CHD6: variants seen among roughly 807,000 people sequenced by gnomAD.
CHD6 encodes the protein chromodomain helicase DNA binding protein 6.
Under a neutral mutation model 276.9 loss-of-function variants are expected in CHD6, and 50 were observed. The ratio of observed to expected loss-of-function variants is 0.18; its 90% CI spans 0.14 to 0.23. The LOEUF (loss-of-function observed/expected upper bound fraction) is 0.23, where lower values mean the gene tolerates loss of function less well. Among genes scored for constraint, CHD6 ranks in the 10% least tolerant of loss-of-function variants. CHD6 has a pLI of 1.00. For missense variants in CHD6, 2,564 were observed against 3,365.8 expected, an observed-to-expected ratio of 0.76 and a Z score of 5.89; for synonymous variants, 1,173 against 1,229.3, an observed-to-expected ratio of 0.95 and a Z score of 0.96.
intron 1 of CHD6, among the ~76,000 whole-genome samples, chr20:41,579,867 A>G (rs1364788297): frequency 1.3e-5 from 2 of 152,216 alleles, no homozygotes; most frequent in Non-Finnish European, 2.9e-5. Context: ...CAACACTCAT[A>G]TATTTTTATA....
At chr20:41,518,513 T>C (rs1176723933) in intron 3 of CHD6, among the ~76,000 whole-genome samples, 1 of 152,208 alleles carries the variant, frequency 6.6e-6, no homozygotes, top group African/African-American at 2.4e-5. Context: ...CTACTAGATT[T>C]TCCCAGACAG....
chr20:41,532,337 G>A (rs750907002), intron 3 of CHD6, among the ~76,000 whole-genome samples: 3 of 152,170 alleles, frequency 2.0e-5, no homozygotes, highest in Non-Finnish European at 4.4e-5. Flanking sequence ...CTCAGAGCTT[G>A]GAACCTAGGG....
chr20:41,423,733 CT>C (rs1284481683), intron 29 of CHD6, 33 bp from the exon 30 acceptor site: 2 of 1,317,888 alleles, frequency 1.5e-6, no homozygotes, highest in African/African-American at 2.8e-5. Context: ...AGAGTGAGCT[CT>C]TTCTTCTTTT....
intron 5 of CHD6, among the ~76,000 whole-genome samples, chr20:41,511,942 A>C (rs1319511877): frequency 4.6e-5 from 7 of 151,056 alleles, no homozygotes; most frequent in Non-Finnish European, 8.8e-5. Context: ...TCATCCACTT[A>C]ACAGCGATTT....
chr20:41,529,549 C>A (rs1213424489), intron 3 of CHD6, among the ~76,000 whole-genome samples: 1 of 152,098 alleles, frequency 6.6e-6, no homozygotes, highest in Non-Finnish European at 1.5e-5. Flanking sequence ...TATATCTGAA[C>A]TCTGATATAT....
chr20:41,520,725 A>G (rs1200445991), intron 3 of CHD6, among the ~76,000 whole-genome samples: 2 of 152,040 alleles, frequency 1.3e-5, no homozygotes, highest in African/African-American at 4.8e-5. Flanking sequence ...ATGTTAAATG[A>G]CAAGTTAATG....
At position 41,457,246 on chromosome 20, in the gene CHD6, C is replaced by A; in HGVS notation, c.2829+18G>T. The A allele has an allele frequency of 6.2e-7, 1 of 1,607,314 alleles. No homozygotes were observed. Among genetic ancestry groups the A allele is most frequent in the Non-Finnish European group, 8.5e-7 (1 of 1,174,454 alleles). The stretch of plus-strand genomic sequence containing the variant: ...ACCAATGTTCCTTAAGACTCCAGAG[C>A]AGGCCCATCACACTCACCCCATTGG... On this transcript the variant is annotated intron_variant, in intron 18 of 36. Coordinates refer to ENST00000373233, the MANE Select transcript of CHD6 (RefSeq NM_032221.5).
In CHD6 at chr20:41,404,609, T is replaced by A; in HGVS notation, c.8132A>T (p.Asn2711Ile). 3 of 1,491,744 alleles carry A rather than the reference T, an allele frequency of 2.0e-6. No homozygotes were observed. Among genetic ancestry groups the A allele is most frequent in the Non-Finnish European group, 2.7e-6 (3 of 1,119,576 alleles). The allele number at this position is 1,491,744 out of a possible 1,614,324, so 92.4% of individuals were successfully genotyped here. Residue 2711 changes from asparagine (N) to isoleucine (I), a missense_variant, in exon 37 of 37, where the codon AAC (asparagine) becomes ATC (isoleucine). Around this residue, in one of 7 missense-constraint regions of CHD6, gnomAD observed 238 missense variants for 266.0 expected, o/e 0.89. Coordinates refer to ENST00000373233, the MANE Select transcript of CHD6 (RefSeq NM_032221.5). ...AAAAAAGTTCTAATTGGTGTCGTTG[T>A]TGGAGTCTTTGAGTGCCCCCTCCCC... is the stretch of plus-strand genomic sequence containing the variant. ...QAGEGALKDS[N>I]NDTN
intron 2 of CHD6, among the ~76,000 whole-genome samples, chr20:41,547,219 TTGCCAC>T (rs1254588511): frequency 1.3e-5 from 2 of 152,234 alleles, no homozygotes; most frequent in Non-Finnish European, 2.9e-5. Flanking sequence ...AAAGATTTCC[TTGCCAC>T]TGACAAACTA....
intron 2 of CHD6, among the ~76,000 whole-genome samples, chr20:41,536,709 TA>T (rs568844449): frequency 6.6e-6 from 1 of 152,014 alleles, no homozygotes. Flanking sequence ...TACATCAGGT[TA>T]AAAAAAATTA....
Position 41,452,942 on chromosome 20 carries a change from C to G in CHD6, c.3121G>C (p.Glu1041Gln). The G allele has an allele frequency of 6.2e-7, 1 of 1,613,152 alleles. No individual in the cohort carries two copies. Among genetic ancestry groups the G allele is most frequent in the Non-Finnish European group, 8.5e-7 (1 of 1,179,370 alleles). Residue 1041 changes from glutamate to glutamine, a missense_variant and splice_region_variant, in exon 21 of 37, where the codon GAA (glutamate) becomes CAA (glutamine). Coordinates refer to ENST00000373233, the MANE Select transcript of CHD6 (RefSeq NM_032221.5). The surrounding 1 kb of genome is among the most constrained non-coding windows in gnomAD (Gnocchi z 4.2). ...ELDTEAKNEK[E>Q]SLVIDRPRVR... ...CGAGGTCGGTCGATCACTAAGCTTT[C>G]CTAGAAATGGAGAGGACTACTGGGA...
At chr20:41,530,511 G>A (rs2044657813) in intron 3 of CHD6, among the ~76,000 whole-genome samples, 4 of 152,054 alleles carry the variant, frequency 2.6e-5, no homozygotes, top group Admixed American at 2.6e-4. Flanking sequence ...GTAAATCAAC[G>A]AGAACAAAAA....
intron 6 of CHD6, 97 bp downstream of exon 6, chr20:41,499,197 GC>G: frequency 1.1e-6 from 1 of 871,818 alleles, no homozygotes. Context: ...TCTCACTCCA[GC>G]CAATAATGGT....
At chr20:41,492,892 G>A (rs2043590177) in intron 10 of CHD6, among the ~76,000 whole-genome samples, 1 of 152,234 alleles carries the variant, frequency 6.6e-6, no homozygotes, top group Non-Finnish European at 1.5e-5. Flanking sequence ...CTGCACTCCA[G>A]CAACAGACCA....
In CHD6 at chr20:41,423,639, C is replaced by G. The variant is rs765265595; in HGVS notation, c.4408G>C (p.Asp1470His). ...CAGTCAAAGGTTTTCTTTTCTTGAT[C>G]GTAAACAACACCAAAGGAAGACACT... ...RTVSSFGVVY[D>H]QEKKTFDWTQ... Residue 1470 changes from aspartate to histidine, a missense_variant, in exon 30 of 37, where the codon GAT becomes CAT. This residue lies in a region of CHD6 where 515 missense variants were observed against 739.5 expected (regional missense o/e 0.70). Coordinates refer to ENST00000373233, the MANE Select transcript of CHD6 (RefSeq NM_032221.5). The G allele has an allele frequency of 2.5e-6, 4 of 1,614,208 alleles. No individual in the cohort carries two copies. Among genetic ancestry groups the G allele is most frequent in the Non-Finnish European group, 3.4e-6 (4 of 1,180,036 alleles).
intron 5 of CHD6, among the ~76,000 whole-genome samples, chr20:41,503,274 T>C (rs1042553821): frequency 6.6e-6 from 1 of 152,238 alleles, no homozygotes; most frequent in Non-Finnish European, 1.5e-5. Context: ...TATCTTTATA[T>C]ATCCAGCAAC....
chr20:41,501,744 T>C (rs947943066), intron 5 of CHD6, among the ~76,000 whole-genome samples: 1 of 152,196 alleles, frequency 6.6e-6, no homozygotes, highest in African/African-American at 2.4e-5. Flanking sequence ...AATAATATTG[T>C]CAAAAATTTT....
chr20:41,411,504 A>G (rs948204051), intron 36 of CHD6, among the ~76,000 whole-genome samples: 4 of 152,206 alleles, frequency 2.6e-5, no homozygotes, highest in Admixed American at 2.6e-4. Context: ...CTAAAAGCAC[A>G]TTTATGTATA....
At chr20:41,579,612 T>C (rs1302441623) in intron 1 of CHD6, among the ~76,000 whole-genome samples, 1 of 152,118 alleles carries the variant, frequency 6.6e-6, no homozygotes, top group Non-Finnish European at 1.5e-5. Context: ...TGAGATGTTT[T>C]AAGCATACCT....
Sources: gnomAD v4.1 joint callset for allele counts (sites outside exome capture counted in the v4.1 genomes callset) on GRCh38, gnomAD v4.1.1 for gene constraint, gnomAD v4.1.1 regional missense constraint, Gnocchi (gnomAD v3.1) non-coding constraint, MANE v1.5 for transcripts, NCBI Gene and HGNC (gene_info 2026-07-23, HGNC 2026-07-21) for gene names.